CEP112: variants seen among roughly 807,000 people sequenced by gnomAD.
CEP112 encodes the protein centrosomal protein of 112 kDa.
A neutral mutation model predicts 153.0 loss-of-function variants in CEP112; 127 were observed. That is an observed-to-expected ratio of 0.83 (90% CI 0.72 to 0.96). CEP112 has a LOEUF of 0.96. CEP112 is among the 40% of genes least tolerant of loss of function. The pLI, the probability that CEP112 is intolerant of heterozygous loss-of-function variation, is 0.00. For missense variants in CEP112, 1,089 were observed against 1,101.2 expected (o/e 0.99, Z 0.16); for synonymous variants, 358 against 374.4 (o/e 0.96, Z 0.51).
intron 19 of CEP112, among the ~76,000 whole-genome samples, chr17:65,907,100 T>A (rs1042628057): frequency 6.6e-6 from 1 of 152,140 alleles, no homozygotes; most frequent in Non-Finnish European, 1.5e-5. Context: ...TGAGCTATAA[T>A]TGGGGCAAAA....
At chr17:66,056,919 C>T (rs2066716206) in intron 11 of CEP112, among the ~76,000 whole-genome samples, 1 of 151,998 alleles carries the variant, frequency 6.6e-6, no homozygotes, top group Non-Finnish European at 1.5e-5. Flanking sequence ...TTTAAAGGCC[C>T]ACAGAACAGC....
At chr17:65,784,798 C>T (rs1382636964) in intron 21 of CEP112, among the ~76,000 whole-genome samples, 2 of 152,130 alleles carry the variant, frequency 1.3e-5, no homozygotes, top group South Asian at 4.1e-4. Flanking sequence ...TTTTTAATAA[C>T]AGCTGTAGTA....
intron 24 of CEP112, among the ~76,000 whole-genome samples, chr17:65,677,481 A>G (rs917545057): frequency 2.0e-5 from 3 of 152,220 alleles, no homozygotes; most frequent in Non-Finnish European, 2.9e-5. Flanking sequence ...CTAATTTTGT[A>G]TATAAATCCA....
intron 24 of CEP112, among the ~76,000 whole-genome samples, chr17:65,648,523 TAG>T (rs1167766080): frequency 1.3e-5 from 2 of 152,180 alleles, no homozygotes; most frequent in Non-Finnish European, 2.9e-5. Flanking sequence ...CATCCCTAAC[TAG>T]AGTTTCATGT....
At chr17:66,103,792 T>A (rs192743806) in intron 6 of CEP112, among the ~76,000 whole-genome samples, 29 of 152,298 alleles carry the variant, frequency 1.9e-4, no homozygotes, top group African/African-American at 6.5e-4. Flanking sequence ...AGTGGCTACA[T>A]GGCATGAAGA....
chr17:66,104,660 A>C (rs901927379), intron 6 of CEP112, among the ~76,000 whole-genome samples: 5 of 152,176 alleles, frequency 3.3e-5, no homozygotes, highest in African/African-American at 1.2e-4. Flanking sequence ...AGTAGGGAAG[A>C]GCACCAAGCA....
At chr17:65,773,449 A>G (rs1019041724) in intron 21 of CEP112, among the ~76,000 whole-genome samples, 2 of 152,188 alleles carry the variant, frequency 1.3e-5, no homozygotes, top group Non-Finnish European at 2.9e-5. Flanking sequence ...TCTGATTATA[A>G]AAGTAAATTC....
At chr17:65,742,312 C>T (rs1227761151) in intron 23 of CEP112, among the ~76,000 whole-genome samples, 2 of 152,084 alleles carry the variant, frequency 1.3e-5, no homozygotes, top group East Asian at 1.9e-4. Flanking sequence ...AAACTAAAGT[C>T]GCTGAAAAAT....
chr17:65,996,321 T>G (rs1284021746), intron 17 of CEP112, among the ~76,000 whole-genome samples: 1 of 151,146 alleles, frequency 6.6e-6, no homozygotes, highest in Non-Finnish European at 1.5e-5. Context: ...AACCTGCACA[T>G]GCACCCCCTG....
chr17:65,839,063 C>T (rs1022716663), intron 21 of CEP112, among the ~76,000 whole-genome samples: 8 of 152,044 alleles, frequency 5.3e-5, no homozygotes, highest in Non-Finnish European at 1.2e-4. Context: ...CTGCTGAATT[C>T]CACCAAACAT....
intron 10 of CEP112, 21 bp from the exon 11 acceptor site, chr17:66,063,102 A>G (rs554595596): frequency 7.9e-7 from 1 of 1,271,470 alleles, no homozygotes; most frequent in Non-Finnish European, 1.1e-6. Flanking sequence ...TTTTGAAAAC[A>G]TAGTTAAACC....
rs1413077408 is a variant in CEP112 at position 65,748,668 on chromosome 17, T to C, written c.2457+1994A>G. On this transcript the variant is annotated intron_variant, in intron 22 of 26. Coordinates refer to ENST00000535342, the MANE Select transcript of CEP112 (RefSeq NM_001199165.4). ...AACCATCCTATGAGGTTAGTACTGC[T>C]CCTCCATTTGACAAATGAGGAAATT... Among the ~76,000 whole-genome samples, 5 of 152,326 alleles carry C rather than the reference T, an allele frequency of 3.3e-5. No homozygotes were observed. In the East Asian group the frequency reaches 9.7e-4, roughly 29 times the overall value.
chr17:65,850,767 T>C (rs2146298795), intron 21 of CEP112, among the ~76,000 whole-genome samples: 1 of 152,314 alleles, frequency 6.6e-6, no homozygotes, highest in African/African-American at 2.4e-5. Context: ...GTTTCTTCTC[T>C]GGCCTCATCA....
intron 23 of CEP112, among the ~76,000 whole-genome samples, chr17:65,722,747 G>A (rs2049965048): frequency 6.6e-6 from 1 of 152,232 alleles, no homozygotes; most frequent in African/African-American, 2.4e-5. Context: ...AGAACAGAGT[G>A]ATGGTGAGCT....
At chr17:65,908,479 T>C (rs1314302516) in intron 19 of CEP112, among the ~76,000 whole-genome samples, 1 of 152,146 alleles carries the variant, frequency 6.6e-6, no homozygotes, top group Non-Finnish European at 1.5e-5. Context: ...GCGGATCATC[T>C]GAGGTCAGGA....
chr17:65,848,859 TACTGCCGACACTCTC>T (rs72203772), intron 21 of CEP112, among the ~76,000 whole-genome samples: 4,072 of 152,342 alleles, frequency 0.027, 97 homozygotes, highest in Middle Eastern at 0.068. Flanking sequence ...GTCCCCTTGC[TACTGCCGACACTCTC>T]ACTGCCTTCT....
chr17:65,694,039 C>T (rs992514034), intron 23 of CEP112, among the ~76,000 whole-genome samples: 3 of 152,108 alleles, frequency 2.0e-5, no homozygotes, highest in Non-Finnish European at 2.9e-5. Context: ...GCCAACCTGT[C>T]CAAGGGATAT....
intron 19 of CEP112, among the ~76,000 whole-genome samples, chr17:65,907,211 C>T (rs1013391175): frequency 6.6e-6 from 1 of 152,158 alleles, no homozygotes; most frequent in Non-Finnish European, 1.5e-5. Flanking sequence ...TAGTAATGTA[C>T]TTTCACAGTA....
At chr17:66,106,994 G>T (rs2068810818) in intron 6 of CEP112, among the ~76,000 whole-genome samples, 1 of 152,036 alleles carries the variant, frequency 6.6e-6, no homozygotes, top group African/African-American at 2.4e-5. Flanking sequence ...TTCAATATAG[G>T]CAAATCAATC....
Sources: allele counts gnomAD v4.1 joint callset (sites outside exome capture counted in the v4.1 genomes callset), GRCh38; gene constraint gnomAD v4.1.1; transcripts MANE v1.5; gene names NCBI Gene and HGNC (gene_info 2026-07-23, HGNC 2026-07-21).